Variants in NCOR1 observed in about 807,000 individuals in gnomAD.
The protein encoded by NCOR1 is protein phosphatase 1, regulatory subunit 109.
Under a neutral mutation model 288.1 loss-of-function variants are expected in NCOR1, and 63 were observed. That is an observed-to-expected ratio of 0.22 (90% CI 0.18 to 0.27). The LOEUF (loss-of-function observed/expected upper bound fraction) is 0.27. NCOR1 is among the 10% of genes least tolerant of loss of function. The pLI, the probability that NCOR1 is intolerant of heterozygous loss-of-function variation, is 1.00. For synonymous variants in NCOR1, 1,007 were observed against 1,065.9 expected, an observed-to-expected ratio of 0.94 and a Z score of 1.08; for missense variants, 2,397 against 3,019.2, an observed-to-expected ratio of 0.79 and a Z score of 4.83.
intron 22 of NCOR1, chr17:16,087,092 C>A: frequency 9.8e-7 from 1 of 1,021,184 alleles, no homozygotes; most frequent in Non-Finnish European, 1.3e-6. Flanking sequence ...AAGAGCAGTT[C>A]ATTCACGAGA....
chr17:16,124,313 CCATA>C (rs199645606), intron 15 of NCOR1, among the ~76,000 whole-genome samples: 2,461 of 152,122 alleles, frequency 0.016, 61 homozygotes, highest in African/African-American at 0.056. Flanking sequence ...GTAAAAGAAG[CCATA>C]CATACTGTAT....
intron 6 of NCOR1, among the ~76,000 whole-genome samples, chr17:16,157,975 G>C (rs533671695): frequency 3.3e-5 from 5 of 151,146 alleles, no homozygotes; most frequent in Non-Finnish European, 5.9e-5. Context: ...CTTGAACTTT[G>C]ATTTTTTTTT....
At chr17:16,174,270 T>C (rs2083664939) in intron 3 of NCOR1, among the ~76,000 whole-genome samples, 1 of 152,164 alleles carries the variant, frequency 6.6e-6, no homozygotes, top group African/African-American at 2.4e-5. Context: ...GTTGGAAAAC[T>C]CACACTTCAC....
intron 19 of NCOR1, 171 bp from the exon 20 acceptor site, chr17:16,101,928 T>C: frequency 2.5e-6 from 2 of 806,916 alleles, no homozygotes; most frequent in South Asian, 1.9e-5. Context: ...CATTGAAGTA[T>C]TTACAGCCAT....
At position 16,193,864 on chromosome 17, in the gene NCOR1, GTC is replaced by G. The variant is rs540903358; in HGVS notation, c.108+596_108+597del. Among the ~76,000 whole-genome samples the G allele has an allele frequency of 2.0e-4, 30 of 152,044 alleles. 1 individual carries two copies. The highest frequency in any genetic ancestry group is 7.0e-4 in the African/African-American group (29 of 41,496). Reference sequence around the variant, plus strand: ...TTCTGATGACAAATCTGCTTTCTTAGTCTCTGAGAGGACCGTTTTATCCCATC... The same window carrying G: ...TTCTGATGACAAATCTGCTTTCTTAGTCTGAGAGGACCGTTTTATCCCATC... On this transcript the variant is annotated intron_variant, in intron 2 of 45. Transcript: ENST00000268712.
At chr17:16,060,487 A>G (rs1179183280) in intron 37 of NCOR1, among the ~76,000 whole-genome samples, 1 of 152,156 alleles carries the variant, frequency 6.6e-6, no homozygotes, top group Non-Finnish European at 1.5e-5. Flanking sequence ...CATGCAGAAA[A>G]TCTATATTGC....
At chr17:16,168,657 G>A (rs191334641) in intron 4 of NCOR1, among the ~76,000 whole-genome samples, 210 of 152,082 alleles carry the variant, frequency 1.4e-3, no homozygotes, top group African/African-American at 4.8e-3. Context: ...AAGTAAGAAT[G>A]TATACAAAAA....
intron 12 of NCOR1, among the ~76,000 whole-genome samples, chr17:16,138,707 AT>A (rs1371878304): frequency 6.6e-6 from 1 of 152,252 alleles, no homozygotes; most frequent in Non-Finnish European, 1.5e-5. Flanking sequence ...CCAGGAAATG[AT>A]TAGTCTACGG....
At chr17:16,129,278 C>A (rs930359473) in intron 14 of NCOR1, among the ~76,000 whole-genome samples, 1 of 152,180 alleles carries the variant, frequency 6.6e-6, no homozygotes, top group Non-Finnish European at 1.5e-5. Context: ...CTACAACCAC[C>A]CATCGCACAC....
chr17:16,114,163 A>AAAC (rs1194322907), intron 18 of NCOR1, among the ~76,000 whole-genome samples: 2 of 150,902 alleles, frequency 1.3e-5, no homozygotes, highest in African/African-American at 2.4e-5. Flanking sequence ...AAAAAAAAAA[A>AAAC]AAAAAACTTG....
At chr17:16,121,386 T>C in intron 15 of NCOR1, 117 bp from the exon 16 acceptor site, 1 of 691,824 alleles carries the variant, frequency 1.4e-6, no homozygotes, top group Non-Finnish European at 2.1e-6. Flanking sequence ...AATCTCTCAC[T>C]CAAAAAAAAA....
chr17:16,092,189 A>G, intron 21 of NCOR1, 131 bp from the exon 22 acceptor site: 1 of 1,149,366 alleles, frequency 8.7e-7, no homozygotes, highest in Non-Finnish European at 1.2e-6. Flanking sequence ...AATCAAAGTT[A>G]TCTTCAAGAA....
rs2074469109 is a variant in NCOR1 at position 16,127,327 on chromosome 17, A to ATGTATATATACATGTATGTATATATGTG, written c.1510-1122_1510-1121insCACATATATACATACATGTATATATACA. On this transcript the variant is annotated intron_variant, in intron 14 of 45. Coordinates refer to ENST00000268712, the MANE Select transcript of NCOR1 (RefSeq NM_006311.4). ...TATATATACATGTATGTATATATGTATGTATATATACATGTATGTATATAT... is the reference window on the plus strand; with the variant it reads ...TATATATACATGTATGTATATATGTATGTATATATACATGTATGTATATATGTGTGTATATATACATGTATGTATATAT... Among the ~76,000 whole-genome samples the ATGTATATATACATGTATGTATATATGTG allele has an allele frequency of 6.4e-5, 8 of 124,074 alleles. 3 individuals are homozygous for ATGTATATATACATGTATGTATATATGTG. The highest frequency in any genetic ancestry group is 1.3e-4 in the Non-Finnish European group (8 of 60,156). The allele number at this position is 124,074 out of a possible 152,430, so 81.4% of individuals were successfully genotyped here. A position where few individuals can be genotyped will look rare whatever the true frequency, so the allele number is the denominator to read the frequency against.
Position 16,139,000 on chromosome 17 carries a change from T to C in NCOR1, c.1352+8A>G, listed in dbSNP as rs116977554. The C allele has an allele frequency of 6.1e-3, 9,237 of 1,506,270 alleles. 40 individuals carry two copies. Among genetic ancestry groups the C allele is most frequent in the Non-Finnish European group, 7.6e-3 (8,495 of 1,120,510 alleles). The allele number at this position is 1,506,270 out of a possible 1,614,324, so 93.3% of individuals were successfully genotyped here. ...GTCTATTAGAGAATAATTTAAAATA[T>C]AAATTACTTGTCCTTAAAGATCTCC... On this transcript the variant is annotated splice_region_variant and intron_variant, in intron 12 of 45. Coordinates refer to ENST00000268712, the MANE Select transcript of NCOR1 (RefSeq NM_006311.4).
chr17:16,181,185 ATG>A (rs756913070), intron 3 of NCOR1, among the ~76,000 whole-genome samples: 28 of 139,778 alleles, frequency 2.0e-4, no homozygotes, highest in Middle Eastern at 3.6e-3. Context: ...AGAAAATGTG[ATG>A]TGTGTGTGTA....
Position 16,075,575 on chromosome 17 carries a change from A to G in NCOR1, c.3629T>C (p.Val1210Ala), listed in dbSNP as rs775548207. ...GREEAASKGH[V>A]IYEGKSGHIL... Reference sequence around the variant, plus strand: ...ATGTCCACTTTTGCCTTCATAAATAACATGGCCTTTGGATGCAGCTTCCTC... The same window carrying G: ...ATGTCCACTTTTGCCTTCATAAATAGCATGGCCTTTGGATGCAGCTTCCTC... The change falls in exon 27 of 46, where the codon GTT (valine) becomes GCT (alanine). Residue 1210 changes from valine to alanine, a missense_variant. Transcript: ENST00000268712. The G allele has an allele frequency of 1.2e-6, 2 of 1,614,128 alleles. No individual in the cohort carries two copies. Among genetic ancestry groups the G allele is most frequent in the African/African-American group, 2.7e-5 (2 of 74,946 alleles).
At chr17:16,061,975 GCAA>G (rs1438102590) in intron 36 of NCOR1, 81 bp from the exon 37 acceptor site, 4 of 1,564,622 alleles carry the variant, frequency 2.6e-6, no homozygotes, top group African/African-American at 1.4e-5. Context: ...AGGACAAACT[GCAA>G]CAACAACAAA....
chr17:16,060,256 A>T (rs1952980533), intron 37 of NCOR1, among the ~76,000 whole-genome samples: 1 of 152,246 alleles, frequency 6.6e-6, no homozygotes, highest in African/African-American at 2.4e-5. Context: ...CTCAGAAAAG[A>T]TGAGCTTTCT....
intron 1 of NCOR1, among the ~76,000 whole-genome samples, chr17:16,212,869 C>T (rs1034389536): frequency 7.9e-5 from 12 of 151,356 alleles, no homozygotes; most frequent in Non-Finnish European, 1.5e-4. Context: ...CCCAGGAGCT[C>T]GAGACCAGCC....
Sources: gnomAD v4.1 joint callset for allele counts (sites outside exome capture counted in the v4.1 genomes callset) on GRCh38, gnomAD v4.1.1 for gene constraint, MANE v1.5 for transcripts, NCBI Gene and HGNC (gene_info 2026-07-23, HGNC 2026-07-21) for gene names.